ADAMTS13: variants seen among roughly 807,000 people sequenced by gnomAD.
The protein encoded by ADAMTS13 is ADAM metallopeptidase with thrombospondin type 1 motif 13, also known as A disintegrin and metalloproteinase with thrombospondin motifs 13.
A neutral mutation model predicts 155.1 loss-of-function variants in ADAMTS13; 110 were observed. The observed-to-expected ratio is 0.71, with a 90% CI of 0.61 to 0.83. The LOEUF is 0.83. Ranked by LOEUF, ADAMTS13 falls within the 40% of genes least tolerant of loss-of-function variation. The pLI is 0.00. For missense variants in ADAMTS13, 1,707 were observed against 1,891.7 expected, an observed-to-expected ratio of 0.90 and a Z score of 1.81; for synonymous variants, 758 against 756.4, an observed-to-expected ratio of 1.00 and a Z score of -0.03.
Position 133,459,243 on chromosome 9 carries a change from C to A in ADAMTS13, c.*63C>A. On this transcript the variant is annotated 3_prime_UTR_variant, in exon 29 of 29. Coordinates refer to ENST00000355699, the MANE Select transcript of ADAMTS13 (RefSeq NM_139027.6). Reference sequence around the variant, plus strand: ...GGAGGGTTGACCCCTGGTCTCAGTGCTTTCCAATTCGAACTTTTTCCAATC... The same window carrying A: ...GGAGGGTTGACCCCTGGTCTCAGTGATTTCCAATTCGAACTTTTTCCAATC... The A allele has an allele frequency of 6.8e-7, 1 of 1,471,258 alleles. No individual in the cohort carries two copies. 91.1% of individuals were successfully genotyped at this position (1,471,258 alleles called of 1,614,324 possible).
rs902985007 is a variant in ADAMTS13 at position 133,450,147 on chromosome 9, A to G, written c.3044+182A>G. Among the ~76,000 whole-genome samples, 3 of 151,672 alleles carry G rather than the reference A, an allele frequency of 2.0e-5. No homozygotes were observed. In the East Asian group the frequency reaches 5.8e-4, roughly 29 times the overall value. ...ACCTCATCTCTAAAAAAAAAACAAG[A>G]CGGGGCCAGGTGTGGTGGCTCACGC... is the stretch of plus-strand genomic sequence containing the variant. On this transcript the variant is annotated intron_variant, in intron 23 of 28. Coordinates refer to ENST00000355699, the MANE Select transcript of ADAMTS13 (RefSeq NM_139027.6).
upstream of ADAMTS13, chr9:133,417,827 G>T: frequency 6.2e-7 from 1 of 1,601,982 alleles, no homozygotes; most frequent in Non-Finnish European, 8.5e-7. Context: ...TGGAGGCGGG[G>T]ACCTTCGCCT....
At chr9:133,417,153 C>T (rs1433990932), upstream of ADAMTS13, among the ~76,000 whole-genome samples, 4 of 152,202 alleles carry the variant, frequency 2.6e-5, no homozygotes, top group African/African-American at 4.8e-5. Flanking sequence ...CTGCGACTAC[C>T]GGCGCGCGCC....
intron 10 of ADAMTS13, 48 bp downstream of exon 10, chr9:133,433,577 A>T: frequency 6.2e-7 from 1 of 1,613,748 alleles, no homozygotes. Context: ...GCCATACCAT[A>T]GTCCCTAGTT....
upstream of ADAMTS13, among the ~76,000 whole-genome samples, chr9:133,419,942 T>G (rs867484202): frequency 7.2e-6 from 1 of 139,320 alleles, no homozygotes; most frequent in African/African-American, 2.7e-5. Flanking sequence ...TATGCTCTTG[T>G]CGCCCAGGCT....
At position 133,414,801 on chromosome 9, in the gene ADAMTS13, G is replaced by A. The variant is rs782431550; in HGVS notation, n.287+157G>A. 37 of 1,613,996 alleles carry A rather than the reference G, an allele frequency of 2.3e-5. No individual in the cohort carries two copies. The highest frequency in any genetic ancestry group is 6.7e-5 in the African/African-American group (5 of 74,894). ...TGCTCTGTTCCACTGGCCTTGGTGC[G>A]AGGTACTGGCGCCCTCCTGTCCATC... On this transcript the variant is annotated intron_variant and non_coding_transcript_variant, in intron 1 of 17. Transcript: ENST00000485925.
chr9:133,433,597 G>A, intron 10 of ADAMTS13, 44 bp from the exon 11 acceptor site: 5 of 1,613,892 alleles, frequency 3.1e-6, no homozygotes, highest in Non-Finnish European at 4.2e-6. Flanking sequence ...TGAAGGCAGT[G>A]GTCACCCTGC....
At position 133,424,487 on chromosome 9, in the gene ADAMTS13, C is replaced by A; in HGVS notation, c.330+9C>A. On this transcript the variant is annotated intron_variant, in intron 3 of 28. Coordinates refer to ENST00000355699, the MANE Select transcript of ADAMTS13 (RefSeq NM_139027.6). The surrounding 1 kb of genome is among the most constrained non-coding windows in gnomAD (Gnocchi z 4.3). Reference sequence around the variant, plus strand: ...TCACCAACCTCAACATCGTGAGTGCCCCACGCTGGACTGTGCAGGTCCCCA... The same window carrying A: ...TCACCAACCTCAACATCGTGAGTGCACCACGCTGGACTGTGCAGGTCCCCA... 6.2e-7 allele frequency: 1 copy of A among 1,610,684 alleles called. No homozygotes were observed. Among genetic ancestry groups the A allele is most frequent in the Non-Finnish European group, 8.5e-7 (1 of 1,178,570 alleles).
chr9:133,417,988 G>A (rs782744289), upstream of ADAMTS13: 14 of 728,736 alleles, frequency 1.9e-5, no homozygotes, highest in Non-Finnish European at 2.6e-5. Flanking sequence ...GACTCCGGAA[G>A]AGACCCCGCA....
chr9:133,458,880 G>A (rs1842921292), intron 28 of ADAMTS13, 94 bp from the exon 29 acceptor site: 1 of 1,145,790 alleles, frequency 8.7e-7, no homozygotes, highest in Non-Finnish European at 1.3e-6. Flanking sequence ...CATTAAATGT[G>A]ATCCGGAATC....
At chr9:133,455,482 G>A (rs1554795522) in intron 25 of ADAMTS13, 47 bp downstream of exon 25, 7 of 1,612,302 alleles carry the variant, frequency 4.3e-6, no homozygotes, top group Middle Eastern at 1.7e-4. Flanking sequence ...CTCCAGGACG[G>A]ACCACAGCCA....
rs367701982 is a variant in ADAMTS13 at position 133,425,498 on chromosome 9, C to G, written c.331-31C>G. 8.1e-6 allele frequency: 13 copies of G among 1,599,720 alleles called. No homozygotes were observed. In the Admixed American group the frequency reaches 1.2e-4, roughly 15 times the overall value. On this transcript the variant is annotated intron_variant, in intron 3 of 28. Coordinates refer to ENST00000355699, the MANE Select transcript of ADAMTS13 (RefSeq NM_139027.6). This position sits in a 1 kb window ranked among gnomAD's most constrained non-coding sequence, Gnocchi z 4.6. The stretch of plus-strand genomic sequence containing the variant: ...CCTGGGGCTGGCAATGCCCACCCGA[C>G]GGGTTACCTCTCTCATCTGCCCTTG...
chr9:133,430,125 G>A, intron 8 of ADAMTS13, 24 bp downstream of exon 8: 2 of 1,563,356 alleles, frequency 1.3e-6, no homozygotes, highest in Non-Finnish European at 1.7e-6. Flanking sequence ...CGGTGGCCTG[G>A]GATTGGCTGT....
At chr9:133,452,581 G>A (rs1033164427) in intron 23 of ADAMTS13, among the ~76,000 whole-genome samples, 2 of 152,058 alleles carry the variant, frequency 1.3e-5, no homozygotes, top group Non-Finnish European at 2.9e-5. Flanking sequence ...CACACTGCAC[G>A]CTGCCTGCAT....
Position 133,428,648 on chromosome 9 carries a change from A to G in ADAMTS13, c.701A>G (p.His234Arg). ...CCCCCGACCAGCTTCGGCCTGGAGCACGACGGCGCGCCCGGCAGCGGCTGC... is the reference window on the plus strand; with the variant it reads ...CCCCCGACCAGCTTCGGCCTGGAGCGCGACGGCGCGCCCGGCAGCGGCTGC... ...HEIGHSFGLE[H>R]DGAPGSGCGP... Residue 234 changes from histidine to arginine, a missense_variant, in exon 7 of 29, where the codon CAC becomes CGC. This residue lies in a region of ADAMTS13 where 733 missense variants were observed against 749.6 expected (regional missense o/e 0.98). Coordinates refer to ENST00000355699, the MANE Select transcript of ADAMTS13 (RefSeq NM_139027.6). 7.7e-7 allele frequency: 1 copy of G among 1,301,504 alleles called. No individual in the cohort carries two copies. Among genetic ancestry groups the G allele is most frequent in the East Asian group, 3.9e-5 (1 of 25,702 alleles). The allele number at this position is 1,301,504 out of a possible 1,614,324, so 80.6% of individuals were successfully genotyped here.
intron 8 of ADAMTS13, among the ~76,000 whole-genome samples, chr9:133,430,695 ATT>A (rs1186301807): frequency 0.056 from 2,495 of 44,886 alleles, 49 homozygotes; most frequent in African/African-American, 0.12. Flanking sequence ...TTTTTTTCCT[ATT>A]TTTTTTTTTT....
chr9:133,433,141 G>A (rs972993241), intron 9 of ADAMTS13, among the ~76,000 whole-genome samples: 2 of 146,910 alleles, frequency 1.4e-5, no homozygotes, highest in Admixed American at 6.8e-5. Flanking sequence ...TGTGGGTCTG[G>A]GGGATCCATG....
At chr9:133,414,471 CG>C (rs1839433201) in exon 1 of ADAMTS13, 1 of 707,142 alleles carries the variant, frequency 1.4e-6, no homozygotes, top group African/African-American at 1.7e-5. Flanking sequence ...GCTCAACGCT[CG>C]GAAGAAGCAG....
intron 8 of ADAMTS13, 86 bp downstream of exon 8, chr9:133,430,187 A>C (rs1043474009): frequency 1.3e-6 from 2 of 1,519,524 alleles, no homozygotes; most frequent in Non-Finnish European, 1.8e-6. Context: ...GCATGGTGAG[A>C]ACCTGCTGGG....
Sources: gnomAD v4.1 joint callset for allele counts (sites outside exome capture counted in the v4.1 genomes callset) on GRCh38, gnomAD v4.1.1 for gene constraint, gnomAD v4.1.1 regional missense constraint, Gnocchi (gnomAD v3.1) non-coding constraint, MANE v1.5 for transcripts, NCBI Gene and HGNC (gene_info 2026-07-23, HGNC 2026-07-21) for gene names.